DOCK1: variants seen among roughly 807,000 people sequenced by gnomAD.
DOCK1 encodes the protein dedicator of cytokinesis 1.
In DOCK1, 138 loss-of-function variants were observed where a neutral mutation model predicts 262.7. The observed-to-expected ratio is 0.53, with a 90% confidence interval of 0.46 to 0.61. The LOEUF (loss-of-function observed/expected upper bound fraction) is 0.61, where lower values mean the gene tolerates loss of function less well. Ranked by LOEUF, DOCK1 falls within the 20% of genes least tolerant of loss-of-function variation. The pLI, the probability that DOCK1 is intolerant of heterozygous loss-of-function variation, is 0.00. For missense variants in DOCK1, 1,908 were observed against 2,370.7 expected (o/e 0.80, Z 4.05); for synonymous variants, 866 against 867.4 (o/e 1.00, Z 0.03).
At position 127,106,288 on chromosome 10, in the gene DOCK1, C is replaced by G; in HGVS notation, c.2503C>G (p.Pro835Ala). The part of the protein sequence containing the change: ...IVNDVKLVFD[P>A]KELSKMFTEF... ...CAACGATGTGAAATTGGTGTTTGAT[C>G]CCAAAGAGCTCAGGTAAGTATGCAG... The change falls in exon 24 of 52, where the codon CCC becomes GCC. Residue 835 changes from proline to alanine, a missense_variant. This residue lies in a region of DOCK1 where 518 missense variants were observed against 575.1 expected (regional missense o/e 0.90). Transcript: ENST00000623213. The G allele has an allele frequency of 6.3e-7, 1 of 1,597,070 alleles. No individual in the cohort carries two copies. The highest frequency in any genetic ancestry group is 8.5e-7 in the Non-Finnish European group (1 of 1,170,804).
intron 27 of DOCK1, among the ~76,000 whole-genome samples, chr10:127,203,862 C>G (rs764002898): frequency 6.6e-6 from 1 of 151,524 alleles, no homozygotes; most frequent in East Asian, 1.9e-4. Flanking sequence ...AGTAAAAAAT[C>G]AAAAACTTAT....
chr10:127,430,020 C>T (rs1302184898), intron 47 of DOCK1, among the ~76,000 whole-genome samples: 1 of 152,232 alleles, frequency 6.6e-6, no homozygotes, highest in Non-Finnish European at 1.5e-5. Context: ...ACTCCAAACA[C>T]CATGGAGAGC....
At chr10:127,223,184 T>C (rs1052425367) in intron 27 of DOCK1, among the ~76,000 whole-genome samples, 4 of 152,230 alleles carry the variant, frequency 2.6e-5, no homozygotes, top group African/African-American at 9.6e-5. Context: ...TATTTAGTTT[T>C]ACTAATCTCA....
At chr10:127,384,987 C>T (rs1257521935) in intron 38 of DOCK1, 78 bp downstream of exon 38, 5 of 1,379,912 alleles carry the variant, frequency 3.6e-6, no homozygotes, top group Non-Finnish European at 3.8e-6. Context: ...CGTTTTTTAG[C>T]GTGTGATTTT....
At chr10:127,110,887 A>G (rs1046566817) in intron 25 of DOCK1, among the ~76,000 whole-genome samples, 17 of 152,084 alleles carry the variant, frequency 1.1e-4, no homozygotes, top group South Asian at 6.2e-4. Flanking sequence ...TTTTTTTTCT[A>G]TTTGGACAGA....
chr10:126,938,937 A>T (rs1246941345), intron 1 of DOCK1, among the ~76,000 whole-genome samples: 11 of 53,720 alleles, frequency 2.0e-4, no homozygotes, highest in Non-Finnish European at 2.9e-4. Context: ...ACACGGGGGG[A>T]CGAACACTGG....
chr10:127,042,613 G>A lies in DOCK1; in HGVS notation c.2011-12G>A, dbSNP rs1479865016. 2 of 1,613,648 alleles carry A rather than the reference G, an allele frequency of 1.2e-6. No individual in the cohort carries two copies. The highest frequency in any genetic ancestry group is 8.5e-7 in the Non-Finnish European group (1 of 1,179,566). ...GGTTCACATTGTCACCCGACCTTCTGTGTCTATGCAGTTTCTTCAGGACAC... is the reference window on the plus strand; with the variant it reads ...GGTTCACATTGTCACCCGACCTTCTATGTCTATGCAGTTTCTTCAGGACAC... On this transcript the variant is annotated splice_polypyrimidine_tract_variant and intron_variant, in intron 19 of 51. Coordinates refer to ENST00000623213, the MANE Select transcript of DOCK1 (RefSeq NM_001290223.2).
chr10:127,444,861 C>T (rs555900071), intron 50 of DOCK1, among the ~76,000 whole-genome samples: 84 of 152,072 alleles, frequency 5.5e-4, no homozygotes, highest in African/African-American at 2.0e-3. Context: ...CTCCCTCCAG[C>T]TTCTGGTGGC....
intron 27 of DOCK1, among the ~76,000 whole-genome samples, chr10:127,147,343 TG>T (rs1002500105): frequency 6.6e-6 from 1 of 152,124 alleles, no homozygotes; most frequent in African/African-American, 2.4e-5. Flanking sequence ...CGCCGTAGCC[TG>T]GAGGGCTCTA....
intron 1 of DOCK1, among the ~76,000 whole-genome samples, chr10:126,912,783 C>T (rs558186775): frequency 6.6e-6 from 1 of 152,016 alleles, no homozygotes; most frequent in African/African-American, 2.4e-5. Context: ...AAGGGCCTAC[C>T]CTACCGTAAA....
At chr10:126,951,862 T>TC (rs2036280121) in intron 1 of DOCK1, among the ~76,000 whole-genome samples, 1 of 151,414 alleles carries the variant, frequency 6.6e-6, no homozygotes, top group Admixed American at 6.6e-5. Context: ...ATTTTTTTTT[T>TC]TTTTGAGATG....
chr10:127,352,667 G>A (rs796781979), intron 31 of DOCK1, among the ~76,000 whole-genome samples: 15 of 152,102 alleles, frequency 9.9e-5, no homozygotes, highest in East Asian at 3.9e-4. Context: ...ATCTCAGCTC[G>A]CTACAACCTC....
chr10:126,960,741 T>TATATAC (rs1240615520), intron 1 of DOCK1, among the ~76,000 whole-genome samples: 1 of 140,940 alleles, frequency 7.1e-6, no homozygotes, highest in African/African-American at 2.9e-5. Context: ...TATATATATA[T>TATATAC]ATATACACAC....
intron 22 of DOCK1, 92 bp from the exon 23 acceptor site, chr10:127,061,576 C>T: frequency 1.9e-6 from 2 of 1,078,758 alleles, no homozygotes; most frequent in Non-Finnish European, 2.7e-6. Context: ...TAACTTGTCA[C>T]CCAAGTGATT....
intron 23 of DOCK1, among the ~76,000 whole-genome samples, chr10:127,086,051 G>A (rs1330221013): frequency 1.3e-5 from 2 of 152,138 alleles, no homozygotes; most frequent in Non-Finnish European, 1.5e-5. Context: ...AGATGCTATG[G>A]GAGGTGCTGG....
At chr10:126,913,131 A>G (rs911642668) in intron 1 of DOCK1, among the ~76,000 whole-genome samples, 2 of 152,162 alleles carry the variant, frequency 1.3e-5, no homozygotes, top group Non-Finnish European at 2.9e-5. Context: ...GAACAATGCA[A>G]TCAGGTAGTT....
chr10:127,367,303 G>A (rs931788099), intron 33 of DOCK1, among the ~76,000 whole-genome samples: 1 of 152,132 alleles, frequency 6.6e-6, no homozygotes, highest in Non-Finnish European at 1.5e-5. Flanking sequence ...ACTTGTGCAA[G>A]AAAGAGCACA....
At chr10:127,143,909 C>T (rs1226477137) in intron 27 of DOCK1, among the ~76,000 whole-genome samples, 5 of 152,156 alleles carry the variant, frequency 3.3e-5, no homozygotes, top group Non-Finnish European at 7.4e-5. Flanking sequence ...ATGTCCAGAA[C>T]CAGATCTTTC....
chr10:126,985,006 A>G (rs2039272332), intron 4 of DOCK1, among the ~76,000 whole-genome samples: 1 of 127,814 alleles, frequency 7.8e-6, no homozygotes, highest in South Asian at 2.5e-4. Context: ...TTTGAGACGA[A>G]GTCTTGCTCT....
Sources: allele counts gnomAD v4.1 joint callset (sites outside exome capture counted in the v4.1 genomes callset), GRCh38; gene constraint gnomAD v4.1.1; regional missense constraint gnomAD v4.1.1; transcripts MANE v1.5; gene names NCBI Gene and HGNC (gene_info 2026-07-23, HGNC 2026-07-21).